MYO16: variants seen among roughly 807,000 people sequenced by gnomAD.
MYO16 encodes unconventional myosin-XVI.
MYO16 carries 94 observed loss-of-function variants against 205.3 expected under a neutral mutation model. The observed-to-expected ratio is 0.46, with a 90% CI of 0.39 to 0.54. The LOEUF (loss-of-function observed/expected upper bound fraction) is 0.54. Among genes scored for constraint, MYO16 ranks in the 20% least tolerant of loss-of-function variants. The pLI is 0.00. For synonymous variants in MYO16, 988 were observed against 954.0 expected (o/e 1.04, Z -0.66); for missense variants, 2,315 against 2,387.5 (o/e 0.97, Z 0.63).
At chr13:108,579,492 G>A in the MYO16 span, among the ~76,000 whole-genome samples, 1 of 146,532 alleles carries the variant, frequency 6.8e-6, no homozygotes, top group Non-Finnish European at 1.5e-5. Flanking sequence ...CCAGATTAGA[G>A]TGCAGTGGCG....
chr13:108,956,763 C>G (rs1475598744), intron 16 of MYO16, among the ~76,000 whole-genome samples: 1 of 152,124 alleles, frequency 6.6e-6, no homozygotes, highest in Non-Finnish European at 1.5e-5. Context: ...TTCCTCATTG[C>G]CTACTTCTGG....
Position 108,858,338 on chromosome 13 carries a change from C to G in MYO16, c.1359+2785C>G, listed in dbSNP as rs932957021. Among the ~76,000 whole-genome samples, 6 of 152,172 alleles carry G rather than the reference C, an allele frequency of 3.9e-5. No individual in the cohort carries two copies. In the East Asian group the frequency reaches 7.7e-4, roughly 20 times the overall value. On this transcript the variant is annotated intron_variant, in intron 11 of 34. Coordinates refer to ENST00000457511, the MANE Select transcript of MYO16 (RefSeq NM_001198950.3). ...TTGGGACTAAAAACAAGTGATCCTT[C>G]CCCACAAATAGAAAATCACTAGTTT...
In MYO16 at chr13:109,023,297, GATA is replaced by G. The variant is rs1566467484; in HGVS notation, c.2796+3387_2796+3389del. Reference sequence around the variant, plus strand: ...AATATATATATTTATATATTATACAGATATAAATATATATATTTATATATTATA... The same window carrying G: ...AATATATATATTTATATATTATACAGTAAATATATATATTTATATATTATA... On this transcript the variant is annotated intron_variant, in intron 23 of 34. Transcript: ENST00000457511. Among the ~76,000 whole-genome samples, 84 of 73,400 alleles carry G rather than the reference GATA, an allele frequency of 1.1e-3. 4 individuals are homozygous for G. The highest frequency in any genetic ancestry group is 4.8e-3 in the African/African-American group (84 of 17,476). 48.2% of individuals were successfully genotyped at this position (73,400 alleles called of 152,430 possible). A position where few individuals can be genotyped will look rare whatever the true frequency, so the allele number is the denominator to read the frequency against.
At chr13:108,684,477 T>C (rs1392407459) in intron 2 of MYO16, among the ~76,000 whole-genome samples, 1 of 152,210 alleles carries the variant, frequency 6.6e-6, no homozygotes, top group Non-Finnish European at 1.5e-5. Context: ...TCTGTATCTG[T>C]GTCTATTTGT....
In MYO16 at chr13:109,019,801, C is replaced by A; in HGVS notation, c.2686C>A (p.Leu896Ile). ...SNFPKKLQSL[L>I]ESSNTNAVYS... Reference sequence around the variant, plus strand: ...TTTTCCAAAAAAACTACAAAGTCTCCTAGAATCCTCAAACACAAATGCGGT... The same window carrying A: ...TTTTCCAAAAAAACTACAAAGTCTCATAGAATCCTCAAACACAAATGCGGT... Residue 896 changes from leucine to isoleucine, a missense_variant, in exon 23 of 35, where the codon CTA becomes ATA. Coordinates refer to ENST00000457511, the MANE Select transcript of MYO16 (RefSeq NM_001198950.3). 1.9e-6 allele frequency: 3 copies of A among 1,614,088 alleles called. No homozygotes were observed. Among genetic ancestry groups the A allele is most frequent in the Non-Finnish European group, 1.7e-6 (2 of 1,179,984 alleles).
chr13:108,637,278 G>T (rs1455083683), intron 1 of MYO16, among the ~76,000 whole-genome samples: 3 of 152,072 alleles, frequency 2.0e-5, no homozygotes, highest in African/African-American at 7.2e-5. Context: ...TATATCTGGA[G>T]GGTTTCACAC....
At chr13:108,595,896 T>TTTG (rs1172938788), upstream of MYO16, among the ~76,000 whole-genome samples, 1 of 149,652 alleles carries the variant, frequency 6.7e-6, no homozygotes, top group Non-Finnish European at 1.5e-5. Context: ...TTTTTTTTTT[T>TTTG]TTTTTTTACC....
intron 10 of MYO16, among the ~76,000 whole-genome samples, chr13:108,849,644 T>C (rs1462203344): frequency 1.4e-5 from 2 of 147,836 alleles, no homozygotes; most frequent in Non-Finnish European, 3.0e-5. Context: ...TGTGTGTGTG[T>C]GTGTGTGTGT....
At chr13:108,559,470 CTTTT>C in the MYO16 span, among the ~76,000 whole-genome samples, 2 of 87,414 alleles carry the variant, frequency 2.3e-5, no homozygotes, top group African/African-American at 8.3e-5. Flanking sequence ...TTTTTCTTTT[CTTTT>C]TTTTTTTTTT....
chr13:108,695,974 C>T (rs913558389), intron 2 of MYO16, among the ~76,000 whole-genome samples: 1 of 152,120 alleles, frequency 6.6e-6, no homozygotes, highest in Non-Finnish European at 1.5e-5. Flanking sequence ...GAAACCACTG[C>T]TAAAATGTAT....
the MYO16 span, among the ~76,000 whole-genome samples, chr13:108,581,625 C>T: frequency 1.3e-5 from 2 of 152,006 alleles, no homozygotes; most frequent in African/African-American, 2.4e-5. Context: ...ATGGTTCATG[C>T]CTGTAATCCC....
At chr13:108,955,591 A>G (rs1883318664) in intron 16 of MYO16, among the ~76,000 whole-genome samples, 6 of 152,160 alleles carry the variant, frequency 3.9e-5, no homozygotes, top group African/African-American at 1.2e-4. Context: ...GCGGTGGCTC[A>G]TGCCTGTAAA....
intron 27 of MYO16, among the ~76,000 whole-genome samples, chr13:109,083,637 C>A (rs1178544598): frequency 6.6e-6 from 1 of 152,132 alleles, no homozygotes; most frequent in South Asian, 2.1e-4. Flanking sequence ...AACATTTACT[C>A]TAAGTGGGAG....
At chr13:109,174,695 T>TA (rs1293319974) in intron 33 of MYO16, among the ~76,000 whole-genome samples, 1 of 151,914 alleles carries the variant, frequency 6.6e-6, no homozygotes, top group Non-Finnish European at 1.5e-5. Flanking sequence ...GTCAGCCATG[T>TA]AAAATTCAGT....
chr13:108,914,311 C>G (rs1881394304), intron 16 of MYO16, among the ~76,000 whole-genome samples: 1 of 151,392 alleles, frequency 6.6e-6, no homozygotes, highest in Non-Finnish European at 1.5e-5. Context: ...ATCTTCTTGT[C>G]TGATGTTTTT....
chr13:108,575,741 TTC>T, the MYO16 span, among the ~76,000 whole-genome samples: 4 of 152,212 alleles, frequency 2.6e-5, no homozygotes, highest in African/African-American at 7.2e-5. Flanking sequence ...TATACATTTC[TTC>T]TCTCTGTTCC....
chr13:108,763,267 T>G (rs1250975256), intron 4 of MYO16, among the ~76,000 whole-genome samples: 1 of 152,190 alleles, frequency 6.6e-6, no homozygotes, highest in African/African-American at 2.4e-5. Flanking sequence ...ACTAATGCAT[T>G]TCTACAAATA....
intron 11 of MYO16, among the ~76,000 whole-genome samples, chr13:108,858,879 GC>G (rs2139109085): frequency 6.6e-6 from 1 of 152,266 alleles, no homozygotes; most frequent in Non-Finnish European, 1.5e-5. Flanking sequence ...TACCCTGGGT[GC>G]CTCTACCCTG....
At chr13:109,024,920 A>G (rs1420686043) in intron 23 of MYO16, among the ~76,000 whole-genome samples, 1 of 152,210 alleles carries the variant, frequency 6.6e-6, no homozygotes, top group Non-Finnish European at 1.5e-5. Flanking sequence ...AAAAAGCAGC[A>G]ACACATTCTG....
Sources: gnomAD v4.1 joint callset for allele counts (sites outside exome capture counted in the v4.1 genomes callset) on GRCh38, gnomAD v4.1.1 for gene constraint, MANE v1.5 for transcripts, NCBI Gene and HGNC (gene_info 2026-07-23, HGNC 2026-07-21) for gene names.